Variants in MRTFB observed in about 807,000 individuals in gnomAD.
MRTFB encodes the protein myocardin related transcription factor B.
MRTFB carries 29 observed loss-of-function variants against 104.2 expected under a neutral mutation model. That is an observed-to-expected ratio of 0.28 (90% CI 0.21 to 0.38). The LOEUF is 0.38. Ranked by LOEUF, MRTFB falls within the 10% of genes least tolerant of loss-of-function variation. The pLI is 1.00. For synonymous variants in MRTFB, 535 were observed against 519.5 expected (o/e 1.03, Z -0.41); for missense variants, 1,270 against 1,341.6 (o/e 0.95, Z 0.83).
intron 8 of MRTFB, among the ~76,000 whole-genome samples, chr16:14,228,688 G>C (rs2042119315): frequency 6.6e-6 from 1 of 152,180 alleles, no homozygotes; most frequent in African/African-American, 2.4e-5. Context: ...TCCACTGCCA[G>C]ATGAATGGAT....
intron 12 of MRTFB, 192 bp from the exon 13 acceptor site, chr16:14,248,734 G>C: frequency 1.8e-6 from 1 of 555,472 alleles, no homozygotes; most frequent in South Asian, 2.4e-5. Context: ...GCAGTGACTG[G>C]TCTGATGTTT....
the MRTFB span, among the ~76,000 whole-genome samples, chr16:14,012,748 G>T: frequency 6.6e-6 from 1 of 152,050 alleles, no homozygotes; most frequent in African/African-American, 2.4e-5. Flanking sequence ...GTAGAACTGG[G>T]ATTTGAACTC....
chr16:14,239,748 TG>T (rs1161631057), intron 9 of MRTFB, among the ~76,000 whole-genome samples: 1 of 152,254 alleles, frequency 6.6e-6, no homozygotes, highest in African/African-American at 2.4e-5. Context: ...ATTCAGTATT[TG>T]TTTTTGTATT....
At chr16:14,072,626 A>G (rs546112262) in intron 1 of MRTFB, among the ~76,000 whole-genome samples, 2 of 152,324 alleles carry the variant, frequency 1.3e-5, no homozygotes, top group Admixed American at 6.5e-5. Flanking sequence ...TAAAGGCTGC[A>G]GTGAGCTGTG....
chr16:14,232,670 C>T (rs2042317821), intron 8 of MRTFB, among the ~76,000 whole-genome samples: 1 of 152,194 alleles, frequency 6.6e-6, no homozygotes, highest in African/African-American at 2.4e-5. Flanking sequence ...CGATTAATTG[C>T]ACACTCGCAC....
intron 15 of MRTFB, 24 bp from the exon 16 acceptor site, chr16:14,258,077 A>C (rs752196843): frequency 3.7e-6 from 6 of 1,606,812 alleles, no homozygotes; most frequent in Non-Finnish European, 5.1e-6. Flanking sequence ...AAAGAAACCT[A>C]ATTTGTACTC....
chr16:14,178,109 A>G (rs2039648008), intron 3 of MRTFB, among the ~76,000 whole-genome samples: 1 of 152,176 alleles, frequency 6.6e-6, no homozygotes, highest in South Asian at 2.1e-4. Context: ...GAGAGGTGTA[A>G]TACACTGATC....
chr16:14,175,991 T>C (rs539022438), intron 3 of MRTFB, among the ~76,000 whole-genome samples: 9 of 152,216 alleles, frequency 5.9e-5, no homozygotes, highest in Non-Finnish European at 1.3e-4. Context: ...TTAGGAATGA[T>C]GAAATTATCC....
intron 3 of MRTFB, among the ~76,000 whole-genome samples, chr16:14,196,109 C>T (rs2040419344): frequency 6.6e-6 from 1 of 152,082 alleles, no homozygotes; most frequent in African/African-American, 2.4e-5. Flanking sequence ...CAACTTTTGA[C>T]AAAAAGGAGA....
At chr16:14,113,659 C>T (rs545729736) in intron 2 of MRTFB, among the ~76,000 whole-genome samples, 8 of 151,868 alleles carry the variant, frequency 5.3e-5, no homozygotes, top group Middle Eastern at 3.4e-3. Context: ...AGCTCGATGG[C>T]GGGAGACAAC....
the MRTFB span, among the ~76,000 whole-genome samples, chr16:14,006,287 G>C: frequency 6.6e-6 from 1 of 152,038 alleles, no homozygotes; most frequent in Middle Eastern, 3.2e-3. Flanking sequence ...AGGTTGCAGC[G>C]AGCCGAGATT....
At chr16:14,156,354 A>G (rs1439474086) in intron 3 of MRTFB, among the ~76,000 whole-genome samples, 2 of 152,174 alleles carry the variant, frequency 1.3e-5, no homozygotes, top group Non-Finnish European at 2.9e-5. Context: ...TACAGTAGCA[A>G]TATCAGTTTA....
At chr16:14,075,617 T>C (rs938039617) in intron 1 of MRTFB, among the ~76,000 whole-genome samples, 7 of 152,244 alleles carry the variant, frequency 4.6e-5, no homozygotes, top group African/African-American at 1.7e-4. Context: ...ATGCTGATGC[T>C]GCTGGTCCAA....
intron 2 of MRTFB, among the ~76,000 whole-genome samples, chr16:14,128,902 T>C (rs1290010802): frequency 6.6e-6 from 1 of 152,208 alleles, no homozygotes; most frequent in East Asian, 1.9e-4. Context: ...ACAACCAAGA[T>C]ACAGAACAGT....
intron 3 of MRTFB, among the ~76,000 whole-genome samples, chr16:14,190,613 G>A (rs1034942118): frequency 2.6e-5 from 4 of 152,160 alleles, no homozygotes; most frequent in African/African-American, 9.7e-5. Context: ...CTCTCTAATG[G>A]TGAAAAATAA....
chr16:14,038,371 A>G, the MRTFB span, among the ~76,000 whole-genome samples: 1 of 152,164 alleles, frequency 6.6e-6, no homozygotes, highest in Non-Finnish European at 1.5e-5. Flanking sequence ...CATCATATAC[A>G]TTTAGAGGCA....
intron 15 of MRTFB, among the ~76,000 whole-genome samples, chr16:14,257,887 G>C (rs186232514): frequency 2.6e-5 from 4 of 152,290 alleles, no homozygotes; most frequent in African/African-American, 9.6e-5. Context: ...GAAATCGGTG[G>C]AGCTGGGTAC....
the MRTFB span, among the ~76,000 whole-genome samples, chr16:14,064,980 T>C: frequency 6.6e-6 from 1 of 152,236 alleles, no homozygotes; most frequent in Non-Finnish European, 1.5e-5. Context: ...AATAGTTTTT[T>C]CTAAGTGTGT....
At chr16:14,144,934 G>A (rs2038219612) in intron 3 of MRTFB, 3 of 140,082 alleles carry the variant, frequency 2.1e-5, no homozygotes, top group Non-Finnish European at 3.0e-5. Flanking sequence ...GGGTGACAGA[G>A]CAAGACTCTG....
Sources: gnomAD v4.1 joint callset for allele counts (sites outside exome capture counted in the v4.1 genomes callset) on GRCh38, gnomAD v4.1.1 for gene constraint, MANE v1.5 for transcripts, NCBI Gene and HGNC (gene_info 2026-07-23, HGNC 2026-07-21) for gene names.